Variants in LPAR3 observed in about 807,000 individuals in gnomAD.
LPAR3 encodes lysophosphatidic acid receptor 3, also known as LPA receptor 3.
Under a neutral mutation model 17.8 loss-of-function variants are expected in LPAR3, and 7 were observed. That is an observed-to-expected ratio of 0.39 (90% confidence interval 0.22 to 0.74). The LOEUF is 0.74. Ranked by LOEUF, LPAR3 falls within the 30% of genes least tolerant of loss-of-function variation. LPAR3 has a pLI of 0.40. For missense variants in LPAR3, 391 were observed against 453.4 expected (o/e 0.86, Z 1.25); for synonymous variants, 179 against 179.9 (o/e 0.99, Z 0.04).
At chr1:84,858,071 A>C (rs1446498517) in intron 2 of LPAR3, among the ~76,000 whole-genome samples, 2 of 152,188 alleles carry the variant, frequency 1.3e-5, no homozygotes, top group Non-Finnish European at 2.9e-5. Flanking sequence ...AAAAGCCTGG[A>C]ACACGCTGAC....
At chr1:84,824,442 G>A (rs1228978804) in intron 2 of LPAR3, among the ~76,000 whole-genome samples, 2 of 152,096 alleles carry the variant, frequency 1.3e-5, no homozygotes, top group African/African-American at 4.8e-5. Flanking sequence ...AGCAGTCTCT[G>A]GCAATCAAAT....
chr1:84,849,369 T>C (rs1307889049), intron 2 of LPAR3, among the ~76,000 whole-genome samples: 1 of 63,370 alleles, frequency 1.6e-5, no homozygotes, highest in East Asian at 4.1e-4. Context: ...GTGAGACTCA[T>C]CTCAAAAAAA....
rs1184476973 is a variant in LPAR3, at chr1:84,813,160, G to GAGAC, written c.*685_*686insGTCT. On this transcript the variant is annotated 3_prime_UTR_variant, in exon 3 of 3. Coordinates refer to ENST00000370611, the MANE Select transcript of LPAR3 (RefSeq NM_012152.3). ...ATATATATATATATATATATATATA[G>GAGAC]ACACACACACACACACACACACACA... 3.0e-5 allele frequency: 3 copies of GAGAC among 99,514 alleles called. No homozygotes were observed. The East Asian group carries it at 8.6e-4, about 29-fold the overall frequency. The allele number at this position is 99,514 out of a possible 1,614,324, so 6.2% of individuals were successfully genotyped here.
At chr1:84,892,303 C>T (rs899436708) in intron 1 of LPAR3, among the ~76,000 whole-genome samples, 4 of 152,010 alleles carry the variant, frequency 2.6e-5, no homozygotes, top group Non-Finnish European at 5.9e-5. Flanking sequence ...TTAATGATTA[C>T]CTTAATAAGA....
At chr1:84,834,638 T>C (rs1165276229) in intron 2 of LPAR3, among the ~76,000 whole-genome samples, 1 of 152,228 alleles carries the variant, frequency 6.6e-6, no homozygotes, top group African/African-American at 2.4e-5. Context: ...TCATAACACA[T>C]ACCCATGTAA....
chr1:84,839,910 C>A (rs1316389177), intron 2 of LPAR3, among the ~76,000 whole-genome samples: 1 of 152,102 alleles, frequency 6.6e-6, no homozygotes, highest in East Asian at 1.9e-4. Context: ...AAGCTCCTGG[C>A]AAATACAATT....
intron 2 of LPAR3, among the ~76,000 whole-genome samples, chr1:84,846,510 T>C (rs1041946964): frequency 6.6e-6 from 1 of 152,202 alleles, no homozygotes; most frequent in Admixed American, 6.5e-5. Context: ...TCTCTGCTTT[T>C]CTTTATGACT....
At chr1:84,859,411 CA>C (rs1260372472) in intron 2 of LPAR3, among the ~76,000 whole-genome samples, 2 of 152,164 alleles carry the variant, frequency 1.3e-5, no homozygotes, top group African/African-American at 4.8e-5. Context: ...TTAATTACCA[CA>C]AGCCCTAAGT....
intron 1 of LPAR3, among the ~76,000 whole-genome samples, chr1:84,879,316 C>CTTTTTTTTT (rs1187756554): frequency 0.022 from 2,682 of 120,428 alleles, 290 homozygotes; most frequent in African/African-American, 0.085. Context: ...TTTCTTTTTT[C>CTTTTTTTTT]TTTTTTTTTT....
chr1:84,835,811 T>C (rs1040835459), intron 2 of LPAR3, among the ~76,000 whole-genome samples: 1 of 152,098 alleles, frequency 6.6e-6, no homozygotes, highest in African/African-American at 2.4e-5. Flanking sequence ...CTAACTGTTC[T>C]AGCACCCTGC....
intron 1 of LPAR3, among the ~76,000 whole-genome samples, chr1:84,892,301 TA>T (rs1428515595): frequency 1.3e-5 from 2 of 152,194 alleles, no homozygotes; most frequent in Non-Finnish European, 2.9e-5. Flanking sequence ...TTTTAATGAT[TA>T]CCTTAATAAG....
At chr1:84,817,083 A>AT (rs200132008) in intron 2 of LPAR3, among the ~76,000 whole-genome samples, 5 of 150,754 alleles carry the variant, frequency 3.3e-5, no homozygotes, top group Non-Finnish European at 4.4e-5. Context: ...AATGCTGAGA[A>AT]TTTTTTTTTT....
chr1:84,833,821 A>G (rs915500273), intron 2 of LPAR3, among the ~76,000 whole-genome samples: 1 of 152,188 alleles, frequency 6.6e-6, no homozygotes, highest in Admixed American at 6.5e-5. Flanking sequence ...TGCTTGGTGC[A>G]GAGTAAGCCT....
At chr1:84,871,909 A>C (rs1357208338) in intron 1 of LPAR3, among the ~76,000 whole-genome samples, 2 of 152,096 alleles carry the variant, frequency 1.3e-5, no homozygotes, top group African/African-American at 4.8e-5. Context: ...AGAGCACCCC[A>C]AGCCTCCACC....
At chr1:84,817,799 G>A (rs1658969811) in intron 2 of LPAR3, among the ~76,000 whole-genome samples, 1 of 122,618 alleles carries the variant, frequency 8.2e-6, no homozygotes, top group Non-Finnish European at 1.8e-5. Context: ...TTCCTTTCCT[G>A]GCCAAAAAAA....
chr1:84,827,072 G>A lies in LPAR3; in HGVS notation c.737-12901C>T, dbSNP rs543116908. Among the ~76,000 whole-genome samples, 21 of 152,192 alleles carry A rather than the reference G, an allele frequency of 1.4e-4. No individual in the cohort carries two copies. In the East Asian group the frequency reaches 2.3e-3, roughly 17 times the overall value. On this transcript the variant is annotated intron_variant, in intron 2 of 2. Transcript: ENST00000370611. ...AGTTTACTAAATAGAAAAATGCACC[G>A]CAATGCATTTTGTATGAGGGAGTCA...
chr1:84,840,281 C>A (rs1659482303), intron 2 of LPAR3, among the ~76,000 whole-genome samples: 1 of 152,170 alleles, frequency 6.6e-6, no homozygotes, highest in African/African-American at 2.4e-5. Context: ...ACTTGTAAGA[C>A]TAAATGAGTA....
Position 84,865,870 on chromosome 1 carries a change from A to G in LPAR3, c.251T>C (p.Val84Ala). The change falls in exon 2 of 3, where the codon GTA becomes GCA. Residue 84 changes from valine to alanine, a missense_variant. Val to Ala is a moderately conservative substitution (Grantham distance 64). Transcript: ENST00000370611. ...AADFFAGIAYVFLMFNTGPVS... is the reference protein window; with the variant it reads ...AADFFAGIAYAFLMFNTGPVS... ...TGGGCCTGTGTTAAACATCAGGAAT[A>G]CATAGGCAATTCCAGCGAAGAAATC... 6.2e-7 allele frequency: 1 copy of G among 1,614,216 alleles called. No homozygotes were observed. The highest frequency in any genetic ancestry group is 8.5e-7 in the Non-Finnish European group (1 of 1,180,046).
chr1:84,816,075 G>A (rs1440484510), intron 2 of LPAR3, among the ~76,000 whole-genome samples: 4 of 152,160 alleles, frequency 2.6e-5, no homozygotes, highest in Admixed American at 2.0e-4. Context: ...CTGACTTTAG[G>A]CTAGGTCTGA....
Sources: allele counts gnomAD v4.1 joint callset (sites outside exome capture counted in the v4.1 genomes callset), GRCh38; gene constraint gnomAD v4.1.1; transcripts MANE v1.5; gene names NCBI Gene and HGNC (gene_info 2026-07-23, HGNC 2026-07-21).